The following AKAP8L variants were observed in gnomAD, a reference collection of about 807,000 sequenced individuals.
AKAP8L encodes the protein A-kinase anchor protein 8-like.
Under a neutral mutation model 77.5 loss-of-function variants are expected in AKAP8L, and 34 were observed. The ratio of observed to expected loss-of-function variants is 0.44; its 90% CI spans 0.33 to 0.58. The LOEUF (loss-of-function observed/expected upper bound fraction) is 0.58, where lower values mean the gene tolerates loss of function less well. AKAP8L is among the 20% of genes least tolerant of loss of function. AKAP8L has a pLI of 0.02. For missense variants in AKAP8L, 806 were observed against 887.6 expected, an observed-to-expected ratio of 0.91 and a Z score of 1.17; for synonymous variants, 342 against 340.7, an observed-to-expected ratio of 1.00 and a Z score of -0.04.
At chr19:15,382,060 AAGAC>A (rs1390836981) in intron 12 of AKAP8L, 4 of 152,250 alleles carry the variant, frequency 2.6e-5, no homozygotes, top group Admixed American at 2.0e-4. Flanking sequence ...CTGTGGATAA[AAGAC>A]AGAAGAATCT....
chr19:15,401,611 G>A lies in AKAP8L; in HGVS notation c.363-8C>T, dbSNP rs200166975. The A allele has an allele frequency of 6.4e-6, 10 of 1,563,508 alleles. No individual in the cohort carries two copies. In the East Asian group the frequency reaches 2.3e-4, roughly 36 times the overall value. ...GACTCATAAGAGTCATACCTGCAGA[G>A]GCATGGGGTGAGCATCAGGTGGAGC... On this transcript the variant is annotated splice_polypyrimidine_tract_variant and splice_region_variant and intron_variant, in intron 4 of 13. Coordinates refer to ENST00000397410, the MANE Select transcript of AKAP8L (RefSeq NM_014371.4). This position sits in a 1 kb window ranked among gnomAD's most constrained non-coding sequence, Gnocchi z 6.2.
Position 15,400,871 on chromosome 19 carries a change from G to A in AKAP8L, c.914-7C>T, listed in dbSNP as rs1967879950. 6.2e-7 allele frequency: 1 copy of A among 1,614,010 alleles called. No individual in the cohort carries two copies. Among genetic ancestry groups the A allele is most frequent in the Non-Finnish European group, 8.5e-7 (1 of 1,179,872 alleles). ...TCCCCCTCGGTGCCCTCATCTGAAA[G>A]GGAAAAGGAGGTAAGCTCAACCCAG... is the stretch of plus-strand genomic sequence containing the variant. On this transcript the variant is annotated splice_polypyrimidine_tract_variant and splice_region_variant and intron_variant, in intron 6 of 13. Coordinates refer to ENST00000397410, the MANE Select transcript of AKAP8L (RefSeq NM_014371.4).
chr19:15,400,387 C>T (rs771380888), intron 7 of AKAP8L, 29 bp from the exon 8 acceptor site: 1 of 1,558,664 alleles, frequency 6.4e-7, no homozygotes, highest in Non-Finnish European at 8.7e-7. Flanking sequence ...AACTTTAAAA[C>T]AGGTGCCTTT....
In AKAP8L at chr19:15,401,532, T is replaced by C. The variant is rs1158335457; in HGVS notation, c.434A>G (p.Asp145Gly). ...CATCTCAGGGTCAAGCTCGCTGTAG[T>C]CATAGCCTGACCGGTACAGGTCGCG... ...SERDLYRSGY[D>G]YSELDPEMEM... Residue 145 changes from aspartate (D) to glycine (G), a missense_variant, in exon 5 of 14, where the codon GAC becomes GGC. This residue lies in a region of AKAP8L where 580 missense variants were observed against 694.1 expected (regional missense o/e 0.84). Coordinates refer to ENST00000397410, the MANE Select transcript of AKAP8L (RefSeq NM_014371.4). This position sits in a 1 kb window ranked among gnomAD's most constrained non-coding sequence, Gnocchi z 6.2. 2 of 1,613,670 alleles carry C rather than the reference T, an allele frequency of 1.2e-6. No homozygotes were observed. Among genetic ancestry groups the C allele is most frequent in the Non-Finnish European group, 1.7e-6 (2 of 1,179,818 alleles).
In AKAP8L at chr19:15,398,193, C is replaced by T; in HGVS notation, c.1158-338G>A. The T allele has an allele frequency of 2.9e-6, 1 of 348,816 alleles. No individual in the cohort carries two copies. The highest frequency in any genetic ancestry group is 3.1e-5 in the South Asian group (1 of 32,564). 21.6% of individuals were successfully genotyped at this position (348,816 alleles called of 1,614,324 possible). A position where few individuals can be genotyped will look rare whatever the true frequency, so the allele number is the denominator to read the frequency against. On this transcript the variant is annotated intron_variant, in intron 9 of 13. Transcript: ENST00000397410. This position sits in a 1 kb window ranked among gnomAD's most constrained non-coding sequence, Gnocchi z 9.2. ...TACCAAGGCTGGGCAGGAGCGTGTG[C>T]ACTTGGCCCAGGTGGGGACCGGAAG...
Position 15,398,647 on chromosome 19 carries a change from A to T in AKAP8L, c.1157+655T>A. The T allele has an allele frequency of 1.0e-6, 1 of 986,656 alleles. No individual in the cohort carries two copies. Among genetic ancestry groups the T allele is most frequent in the Non-Finnish European group, 1.2e-6 (1 of 830,698 alleles). The allele number at this position is 986,656 out of a possible 1,614,324, so 61.1% of individuals were successfully genotyped here. A position where few individuals can be genotyped will look rare whatever the true frequency, so the allele number is the denominator to read the frequency against. On this transcript the variant is annotated intron_variant, in intron 9 of 13. Transcript: ENST00000397410. The surrounding 1 kb of genome is among the most constrained non-coding windows in gnomAD (Gnocchi z 9.2). ...GTCCCTACCTCTGCCGGACGTCCTT[A>T]TCTGGGCCACGGGGTCAGCTTTGTC...
At position 15,400,206 on chromosome 19, in the gene AKAP8L, T is replaced by C. The variant is rs1355296922; in HGVS notation, c.1048+89A>G. 27 of 1,400,130 alleles carry C rather than the reference T, an allele frequency of 1.9e-5. No individual in the cohort carries two copies. In the East Asian group the frequency reaches 6.2e-4, roughly 32 times the overall value. 86.7% of individuals were successfully genotyped at this position (1,400,130 alleles called of 1,614,324 possible). A position where few individuals can be genotyped will look rare whatever the true frequency, so the allele number is the denominator to read the frequency against. ...AGGGAGGTCCCCAACTGGCCGCATG[T>C]CTGCCGCAACCCTGCCCTCAGCTGG... is the stretch of plus-strand genomic sequence containing the variant. On this transcript the variant is annotated intron_variant, in intron 8 of 13. Transcript: ENST00000397410.
In AKAP8L at chr19:15,380,589, C is replaced by T; in HGVS notation, c.1560G>A (p.Lys520=). The part of the protein sequence containing the change: ...NRRLMMEQSK[K]SSLMVARSIL... ...TACTGCGGGCCACCATGAGGGAGGA[C>T]TTCTTGGACTGCTCCATCATGAGCT... Residue 520 remains lysine, a synonymous_variant, in exon 13 of 14, where the codon AAG becomes AAA. Transcript: ENST00000397410. The T allele has an allele frequency of 6.2e-7, 1 of 1,613,744 alleles. No homozygotes were observed. Among genetic ancestry groups the T allele is most frequent in the Non-Finnish European group, 8.5e-7 (1 of 1,179,888 alleles).
At chr19:15,414,081 T>TTTTGG (rs1968156714) in intron 1 of AKAP8L, among the ~76,000 whole-genome samples, 1 of 148,600 alleles carries the variant, frequency 6.7e-6, no homozygotes, top group Non-Finnish European at 1.5e-5. Flanking sequence ...TTTTTTTTTT[T>TTTTGG]GAGACGGAGT....
At position 15,399,515 on chromosome 19, in the gene AKAP8L, G is replaced by A. The variant is rs954880842; in HGVS notation, c.1049-105C>T. 3.1e-5 allele frequency: 26 copies of A among 827,628 alleles called. No homozygotes were observed. In the East Asian group the frequency reaches 4.7e-4, roughly 15 times the overall value. 51.3% of individuals were successfully genotyped at this position (827,628 alleles called of 1,614,324 possible). On this transcript the variant is annotated intron_variant, in intron 8 of 13. Coordinates refer to ENST00000397410, the MANE Select transcript of AKAP8L (RefSeq NM_014371.4). This position sits in a 1 kb window ranked among gnomAD's most constrained non-coding sequence, Gnocchi z 6.1. ...CACTGTCCACTCCAGAGGGTCCATCGAGAATAGCTGTCCAAGCAAGGCCTC... is the reference window on the plus strand; with the variant it reads ...CACTGTCCACTCCAGAGGGTCCATCAAGAATAGCTGTCCAAGCAAGGCCTC...
At chr19:15,381,456 C>T (rs1171282453) in intron 12 of AKAP8L, among the ~76,000 whole-genome samples, 1 of 152,090 alleles carries the variant, frequency 6.6e-6, no homozygotes, top group Non-Finnish European at 1.5e-5. Flanking sequence ...GCTGGGCCAT[C>T]TCATGGTGGG....
At position 15,380,218 on chromosome 19, in the gene AKAP8L, G is replaced by C; in HGVS notation, c.1845C>G (p.Ala615=). 1 of 1,508,310 alleles carries C rather than the reference G, an allele frequency of 6.6e-7. No homozygotes were observed. Among genetic ancestry groups the C allele is most frequent in the South Asian group, 1.2e-5 (1 of 81,454 alleles). 93.4% of individuals were successfully genotyped at this position (1,508,310 alleles called of 1,614,324 possible). A position where few individuals can be genotyped will look rare whatever the true frequency, so the allele number is the denominator to read the frequency against. Residue 615 remains alanine (A), a synonymous_variant, in exon 14 of 14, where the codon GCC becomes GCG. Transcript: ENST00000397410. ...GCAGCGCCCCTCCCAGCAAGGGCAC[G>C]GCGCCCTCCTCCTCCTCCTCTGGGG... ...PPPPEEEEEG[A]VPLLGGALQR...
In AKAP8L at chr19:15,380,382, CCTCCTGCTCCTT is replaced by C; in HGVS notation, c.1669_1680del (p.Lys557_Glu560del). On this transcript the variant is annotated inframe_deletion, in exon 14 of 14. Coordinates refer to ENST00000397410, the MANE Select transcript of AKAP8L (RefSeq NM_014371.4). Reference sequence around the variant, plus strand: ...TCGTCCAGGGCACCGCCCTCAGCCTCCTCCTGCTCCTTCTCCTCCTCGGGGCTGTCGGTGAAA... The same window carrying C: ...TCGTCCAGGGCACCGCCCTCAGCCTCCTCCTCCTCGGGGCTGTCGGTGAAA... The C allele has an allele frequency of 6.3e-7, 1 of 1,579,168 alleles. No individual in the cohort carries two copies. Among genetic ancestry groups the C allele is most frequent in the Admixed American group, 1.8e-5 (1 of 55,480 alleles).
At chr19:15,392,322 C>T (rs1207496137) in intron 12 of AKAP8L, among the ~76,000 whole-genome samples, 3 of 151,610 alleles carry the variant, frequency 2.0e-5, no homozygotes, top group Non-Finnish European at 4.4e-5. Context: ...ATGGTGAAAC[C>T]CTGTCTCTAC....
chr19:15,397,174 G>T lies in AKAP8L; in HGVS notation c.1512C>A (p.Thr504=), dbSNP rs369447883. Residue 504 remains threonine (T), a synonymous_variant, in exon 12 of 14, where the codon ACC becomes ACA. Transcript: ENST00000397410. This position sits in a 1 kb window ranked among gnomAD's most constrained non-coding sequence, Gnocchi z 4.7. The stretch of plus-strand genomic sequence containing the variant: ...CCCTGCGGTTCCGGTTGTGATCCAT[G>T]GTCTTCAGATGCTTCTGGATGATCC... ...QFGIIQKHLK[T]MDHNRNRRLM... 6.2e-7 allele frequency: 1 copy of T among 1,613,946 alleles called. No homozygotes were observed. Among genetic ancestry groups the T allele is most frequent in the Non-Finnish European group, 8.5e-7 (1 of 1,179,886 alleles).
chr19:15,381,460 T>C (rs1430861387), intron 12 of AKAP8L, among the ~76,000 whole-genome samples: 1 of 152,086 alleles, frequency 6.6e-6, no homozygotes, highest in Non-Finnish European at 1.5e-5. Flanking sequence ...GGCCATCTCA[T>C]GGTGGGAGTA....
rs1393120250 is a variant in AKAP8L at position 15,380,411 on chromosome 19, T to G, written c.1652A>C (p.Asp551Ala). The change falls in exon 14 of 14, where the codon GAC becomes GCC. Residue 551 changes from aspartate to alanine, a missense_variant. Physicochemically the swap from Asp to Ala is moderately radical, Grantham distance 126. Around this residue, in one of 2 missense-constraint regions of AKAP8L, gnomAD observed 226 missense variants for 193.5 expected, o/e 1.17. Coordinates refer to ENST00000397410, the MANE Select transcript of AKAP8L (RefSeq NM_014371.4). ...RYLKGENPFTDSPEEEKEQEE... is the reference protein window; with the variant it reads ...RYLKGENPFTASPEEEKEQEE... ...CTGCTCCTTCTCCTCCTCGGGGCTG[T>G]CGGTGAAAGGGTTCTCGCCCTGTGG... 1.3e-6 allele frequency: 2 copies of G among 1,599,448 alleles called. No individual in the cohort carries two copies. Among genetic ancestry groups the G allele is most frequent in the Middle Eastern group, 1.7e-4 (1 of 6,048 alleles).
At position 15,403,856 on chromosome 19, in the gene AKAP8L, G is replaced by C. The variant is rs1485403424; in HGVS notation, c.122-141C>G. On this transcript the variant is annotated intron_variant, in intron 3 of 13. Coordinates refer to ENST00000397410, the MANE Select transcript of AKAP8L (RefSeq NM_014371.4). The surrounding 1 kb of genome is among the most constrained non-coding windows in gnomAD (Gnocchi z 4.3). ...TAGCCACTGAAGCTAGATGGGCCCT[G>C]GTCATTCTGATGAGGGCCTCCTGTT... 2.8e-6 allele frequency: 3 copies of C among 1,059,280 alleles called. No homozygotes were observed. Among genetic ancestry groups the C allele is most frequent in the Non-Finnish European group, 4.2e-6 (3 of 712,612 alleles). 65.6% of individuals were successfully genotyped at this position (1,059,280 alleles called of 1,614,324 possible).
chr19:15,397,460 G>T lies in AKAP8L; in HGVS notation c.1405+60C>A. The T allele has an allele frequency of 6.5e-7, 1 of 1,535,176 alleles. No individual in the cohort carries two copies. Among genetic ancestry groups the T allele is most frequent in the Non-Finnish European group, 9.0e-7 (1 of 1,114,744 alleles). ...CAGAAGGGTGTCCTGACCCTGCACC[G>T]AAAATCAGGAGTGCAGGCTGAGGCC... On this transcript the variant is annotated intron_variant, in intron 11 of 13. Coordinates refer to ENST00000397410, the MANE Select transcript of AKAP8L (RefSeq NM_014371.4). The surrounding 1 kb of genome is among the most constrained non-coding windows in gnomAD (Gnocchi z 4.7).
Sources: gnomAD v4.1 joint callset for allele counts (sites outside exome capture counted in the v4.1 genomes callset) on GRCh38, gnomAD v4.1.1 for gene constraint, gnomAD v4.1.1 regional missense constraint, Gnocchi (gnomAD v3.1) non-coding constraint, MANE v1.5 for transcripts, NCBI Gene and HGNC (gene_info 2026-07-23, HGNC 2026-07-21) for gene names.